The following SREBF2 variants were observed in gnomAD, a reference collection of about 807,000 sequenced individuals.
SREBF2 encodes sterol regulatory element binding transcription factor 2.
Under a neutral mutation model 113.1 loss-of-function variants are expected in SREBF2, and 55 were observed. The ratio of observed to expected loss-of-function variants is 0.49; its 90% CI spans 0.39 to 0.61. The LOEUF (loss-of-function observed/expected upper bound fraction) is 0.61. Among genes scored for constraint, SREBF2 ranks in the 20% least tolerant of loss-of-function variants. The pLI, the probability that SREBF2 is intolerant of heterozygous loss-of-function variation, is 0.00. For missense variants in SREBF2, 1,349 were observed against 1,487.4 expected (o/e 0.91, Z 1.53); for synonymous variants, 593 against 605.7 (o/e 0.98, Z 0.31).
chr22:41,853,202 T>G (rs933567294), intron 1 of SREBF2, among the ~76,000 whole-genome samples: 2 of 152,190 alleles, frequency 1.3e-5, no homozygotes. Flanking sequence ...TGAGTTCTCC[T>G]TCATTTTTTC....
intron 1 of SREBF2, among the ~76,000 whole-genome samples, chr22:41,847,325 G>A (rs2076885917): frequency 6.6e-6 from 1 of 152,192 alleles, no homozygotes; most frequent in South Asian, 2.1e-4. Flanking sequence ...GCAGAACAGG[G>A]TCATGCAGGA....
At chr22:41,894,402 CTTCG>C (rs2077392313) in intron 12 of SREBF2, among the ~76,000 whole-genome samples, 1 of 152,202 alleles carries the variant, frequency 6.6e-6, no homozygotes, top group South Asian at 2.1e-4. Context: ...GGAGCATGTT[CTTCG>C]TTGTCATGAG....
At chr22:41,840,491 T>G (rs2148339970) in intron 1 of SREBF2, among the ~76,000 whole-genome samples, 1 of 152,314 alleles carries the variant, frequency 6.6e-6, no homozygotes, top group African/African-American at 2.4e-5. Context: ...GAGCACATCC[T>G]CCAGTGGCTT....
Position 41,906,184 on chromosome 22 carries a change from TG to T in SREBF2, c.*525del, listed in dbSNP as rs1403021752. On this transcript the variant is annotated 3_prime_UTR_variant, in exon 19 of 19. Transcript: ENST00000361204. Reference sequence around the variant, plus strand: ...AGCGTCTTGATTCTCTCCCTGGGTCTGCGTTCCCTCCCCTGGGCCTGACTGA... The same window carrying T: ...AGCGTCTTGATTCTCTCCCTGGGTCTCGTTCCCTCCCCTGGGCCTGACTGA... 2.8e-6 allele frequency: 1 copy of T among 360,564 alleles called. No individual in the cohort carries two copies. Among genetic ancestry groups the T allele is most frequent in the Non-Finnish European group, 5.5e-6 (1 of 183,148 alleles). The allele number at this position is 360,564 out of a possible 1,614,324, so 22.3% of individuals were successfully genotyped here. A position where few individuals can be genotyped will look rare whatever the true frequency, so the allele number is the denominator to read the frequency against.
chr22:41,892,975 C>A (rs1452716093), intron 11 of SREBF2, 142 bp from the exon 12 acceptor site: 11 of 995,962 alleles, frequency 1.1e-5, no homozygotes, highest in Non-Finnish European at 1.5e-5. Flanking sequence ...CTTTCAGGTA[C>A]CTGTGGGAGT....
At chr22:41,848,698 G>A (rs2076900681) in intron 1 of SREBF2, among the ~76,000 whole-genome samples, 1 of 152,136 alleles carries the variant, frequency 6.6e-6, no homozygotes, top group Non-Finnish European at 1.5e-5. Context: ...GGGCTTAGAG[G>A]AAGGAGTAAG....
chr22:41,886,980 G>A (rs1013908370), intron 11 of SREBF2, among the ~76,000 whole-genome samples: 1 of 152,206 alleles, frequency 6.6e-6, no homozygotes, highest in Non-Finnish European at 1.5e-5. Context: ...GGTGCATTGA[G>A]CGGAGATCAC....
At position 41,833,929 on chromosome 22, in the gene SREBF2, G is replaced by A. The variant is rs931779302; in HGVS notation, c.88+571G>A. On this transcript the variant is annotated intron_variant, in intron 1 of 18. Coordinates refer to ENST00000361204, the MANE Select transcript of SREBF2 (RefSeq NM_004599.4). The surrounding 1 kb of genome is among the most constrained non-coding windows in gnomAD (Gnocchi z 4.1). ...GCTGATGAAGAGAGCAGTGGCGGCG[G>A]AGTGTGGACACATCTCTCCGGGATG... 6.5e-6 allele frequency: 1 copy of A among 152,748 alleles called. No homozygotes were observed. Among genetic ancestry groups the A allele is most frequent in the African/African-American group, 2.4e-5 (1 of 41,452 alleles). The allele number at this position is 152,748 out of a possible 1,614,324, so 9.5% of individuals were successfully genotyped here. A position where few individuals can be genotyped will look rare whatever the true frequency, so the allele number is the denominator to read the frequency against.
At chr22:41,852,542 A>T (rs567947026) in intron 1 of SREBF2, among the ~76,000 whole-genome samples, 18 of 151,606 alleles carry the variant, frequency 1.2e-4, no homozygotes, top group Non-Finnish European at 2.6e-4. Flanking sequence ...CCTGACTTTC[A>T]TCTGAAACCC....
intron 9 of SREBF2, among the ~76,000 whole-genome samples, chr22:41,879,400 G>A (rs1390276431): frequency 6.6e-6 from 1 of 152,206 alleles, no homozygotes; most frequent in Non-Finnish European, 1.5e-5. Flanking sequence ...GGCAGGCCAT[G>A]GGGACTGAGC....
intron 10 of SREBF2, among the ~76,000 whole-genome samples, chr22:41,883,110 G>T (rs1569400707): frequency 6.6e-6 from 1 of 152,242 alleles, no homozygotes; most frequent in African/African-American, 2.4e-5. Flanking sequence ...AGAGGATGGG[G>T]AGTCAGGGGC....
At position 41,839,747 on chromosome 22, in the gene SREBF2, G is replaced by A. The variant is rs528051357; in HGVS notation, c.88+6389G>A. On this transcript the variant is annotated intron_variant, in intron 1 of 18. Coordinates refer to ENST00000361204, the MANE Select transcript of SREBF2 (RefSeq NM_004599.4). The stretch of plus-strand genomic sequence containing the variant: ...TAGTGTTCCATTGCATGGACACACC[G>A]CATTCTGTTTTATCTACTCTTCAGT... Among the ~76,000 whole-genome samples, 27 of 152,136 alleles carry A rather than the reference G, an allele frequency of 1.8e-4. No homozygotes were observed. In the South Asian group the frequency reaches 3.9e-3, roughly 22 times the overall value.
intron 16 of SREBF2, among the ~76,000 whole-genome samples, chr22:41,902,542 C>G (rs994069306): frequency 6.6e-6 from 1 of 152,146 alleles, no homozygotes; most frequent in East Asian, 1.9e-4. Context: ...CCAGCCCCAT[C>G]GACAGGCTCT....
chr22:41,871,957 A>G (rs1421408003), intron 4 of SREBF2, among the ~76,000 whole-genome samples: 1 of 150,914 alleles, frequency 6.6e-6, no homozygotes, highest in Non-Finnish European at 1.5e-5. Flanking sequence ...CCTCAGAAAT[A>G]GTGTGTCAAG....
intron 4 of SREBF2, among the ~76,000 whole-genome samples, chr22:41,872,293 A>C (rs2077151835): frequency 6.6e-6 from 1 of 151,744 alleles, no homozygotes; most frequent in Admixed American, 6.6e-5. Flanking sequence ...AAAGGAGTTC[A>C]TGCTAATGAG....
intron 3 of SREBF2, among the ~76,000 whole-genome samples, chr22:41,869,587 G>A (rs1241790471): frequency 3.3e-5 from 5 of 150,954 alleles, no homozygotes; most frequent in African/African-American, 7.3e-5. Context: ...AGGTTCAAGC[G>A]ATTCTCCTGC....
In SREBF2 at chr22:41,870,913, A is replaced by G; in HGVS notation, c.745A>G (p.Lys249Glu). ...VPVLVQPQII[K>E]TDSLVLTTLK... ...GGTCCTGGTCCAGCCTCAGATCATC[A>G]AGACAGATTCCCTTGTTTTGACCAC... Residue 249 changes from lysine (K) to glutamate (E), a missense_variant, in exon 4 of 19, where the codon AAG becomes GAG. Lys to Glu is a moderately conservative substitution (Grantham distance 56). Transcript: ENST00000361204. 1.2e-6 allele frequency: 2 copies of G among 1,614,126 alleles called. No homozygotes were observed. Among genetic ancestry groups the G allele is most frequent in the Non-Finnish European group, 1.7e-6 (2 of 1,180,030 alleles).
chr22:41,879,771 C>T (rs773057158), intron 9 of SREBF2, among the ~76,000 whole-genome samples: 47 of 152,212 alleles, frequency 3.1e-4, no homozygotes, highest in Non-Finnish European at 7.3e-5. Context: ...AGCCTGTCCT[C>T]TAGTTTCCAG....
intron 11 of SREBF2, among the ~76,000 whole-genome samples, chr22:41,888,548 G>A (rs1414990384): frequency 6.6e-6 from 1 of 152,104 alleles, no homozygotes; most frequent in Non-Finnish European, 1.5e-5. Flanking sequence ...TGGAAGTGTT[G>A]GTCTTCCAGA....
Sources: gnomAD v4.1 joint callset for allele counts (sites outside exome capture counted in the v4.1 genomes callset) on GRCh38, gnomAD v4.1.1 for gene constraint, Gnocchi (gnomAD v3.1) non-coding constraint, MANE v1.5 for transcripts, NCBI Gene and HGNC (gene_info 2026-07-23, HGNC 2026-07-21) for gene names.